POLG: variants seen among roughly 807,000 people sequenced by gnomAD.
POLG encodes DNA polymerase subunit gamma-1.
A neutral mutation model predicts 155.4 loss-of-function variants in POLG; 110 were observed. The observed-to-expected ratio is 0.71, with a 90% CI of 0.61 to 0.83. The LOEUF (loss-of-function observed/expected upper bound fraction) is 0.83, where lower values mean the gene tolerates loss of function less well. POLG is among the 40% of genes least tolerant of loss of function. The probability of loss-of-function intolerance (pLI) is 0.00; values close to 1 mark genes in which losing one functional copy is unlikely to be tolerated. For synonymous variants in POLG, 701 were observed against 631.5 expected (o/e 1.11, Z -1.65); for missense variants, 1,685 against 1,627.5 (o/e 1.04, Z -0.61).
rs753955677 is a variant in POLG, at chr15:89,316,845, T to C, written c.3644-18A>G. 1.3e-6 allele frequency: 2 copies of C among 1,580,124 alleles called. No homozygotes were observed. Among genetic ancestry groups the C allele is most frequent in the East Asian group, 4.5e-5 (2 of 44,714 alleles). On this transcript the variant is annotated intron_variant, in intron 22 of 22. Transcript: ENST00000268124. The stretch of plus-strand genomic sequence containing the variant: ...CGCTTCACCTGAAAGATAGTGCAAA[T>C]TGGTTAGGATGCCACCTCAAGAACT...
chr15:89,323,440 G>A lies in POLG; in HGVS notation c.2229C>T (p.Asp743=). The change falls in exon 13 of 23, where the codon GAC becomes GAT. Residue 743 remains aspartate (D), a synonymous_variant. Coordinates refer to ENST00000268124, the MANE Select transcript of POLG (RefSeq NM_002693.3). ...GCTTGAAAAACCAGCAGCCAGGGAT[G>A]TCCACGTCGTTGTAAGGTCCATTGC... ...HHGNGPYNDV[D]IPGCWFFKLP... 1 of 1,613,864 alleles carries A rather than the reference G, an allele frequency of 6.2e-7. No homozygotes were observed. The highest frequency in any genetic ancestry group is 8.5e-7 in the Non-Finnish European group (1 of 1,179,752).
chr15:89,330,297 G>GC, intron 2 of POLG, 21 bp from the exon 3 acceptor site: 1 of 1,594,184 alleles, frequency 6.3e-7, no homozygotes, highest in Non-Finnish European at 8.5e-7. Context: ...TGAGAGGCAG[G>GC]CAGGTTCACC....
At chr15:89,322,037 G>A (rs1240687902) in intron 14 of POLG, 22 bp from the exon 15 acceptor site, 8 of 1,612,740 alleles carry the variant, frequency 5.0e-6, no homozygotes, top group African/African-American at 2.7e-5. Flanking sequence ...GACAACGTGA[G>A]GCTCAGCACA....
intron 2 of POLG, 41 bp from the exon 3 acceptor site, chr15:89,330,317 T>G: frequency 6.7e-7 from 1 of 1,495,678 alleles, no homozygotes; most frequent in Non-Finnish European, 9.2e-7. Flanking sequence ...CATGGAGACA[T>G]TAAACTTCCA....
chr15:89,333,596 TTGCTGCTGC>T lies in POLG; in HGVS notation c.150_158del (p.Gln53_Gln55del), dbSNP rs41550117. ...GCACTTGCGGCTGCTGAGGCTGCTG[TTGCTGCTGC>T]TGCTGCTGCTGCTGCTGCTGCTGCC... On this transcript the variant is annotated inframe_deletion, in exon 2 of 23. Coordinates refer to ENST00000268124, the MANE Select transcript of POLG (RefSeq NM_002693.3). 2.4e-3 allele frequency: 3,831 copies of T among 1,598,086 alleles called. 6 individuals carry two copies. Among genetic ancestry groups the T allele is most frequent in the Middle Eastern group, 3.5e-3 (21 of 5,988 alleles).
Position 89,333,588 on chromosome 15 carries a change from G to T in POLG, c.167C>A (p.Pro56His), listed in dbSNP as rs1022612492. The stretch of plus-strand genomic sequence containing the variant: ...CGAGGATAGCACTTGCGGCTGCTGA[G>T]GCTGCTGTTGCTGCTGCTGCTGCTG... ...QQQQQQQQQQ[P>H]QQPQVLSSEG... The change falls in exon 2 of 23, where the codon CCT becomes CAT. Residue 56 changes from proline to histidine, a missense_variant. Physicochemically the swap from Pro to His is moderately conservative, Grantham distance 77 (BLOSUM62 -2). Around this residue, in one of 3 missense-constraint regions of POLG, gnomAD observed 1,210 missense variants for 1,167.1 expected, o/e 1.04. Coordinates refer to ENST00000268124, the MANE Select transcript of POLG (RefSeq NM_002693.3). The T allele has an allele frequency of 1.9e-6, 3 of 1,604,890 alleles. No individual in the cohort carries two copies. Among genetic ancestry groups the T allele is most frequent in the Non-Finnish European group, 2.5e-6 (3 of 1,176,630 alleles).
intron 6 of POLG, 86 bp from the exon 7 acceptor site, chr15:89,327,435 C>T (rs2055537732): frequency 1.6e-6 from 2 of 1,228,606 alleles, no homozygotes; most frequent in Non-Finnish European, 2.3e-6. Context: ...CAAGCCTCAA[C>T]CCAGCCACTG....
intron 16 of POLG, 143 bp from the exon 17 acceptor site, chr15:89,321,403 G>A: frequency 1.0e-6 from 1 of 970,900 alleles, no homozygotes; most frequent in Non-Finnish European, 1.6e-6. Context: ...CACAGTTCCA[G>A]AGATGGCCAC....
rs1354411940 is a variant in POLG at position 89,324,188 on chromosome 15, C to T, written c.1989G>A (p.Gln663=). The stretch of plus-strand genomic sequence containing the variant: ...CCTGGGGCATCAGCTGCTGCTTCCC[C>T]TGTTCGAGACAGTGCTTCCTGTACA... ...ESLYRKHCLE[Q]GKQQLMPQEA... is the part of the protein sequence containing the mutation. Residue 663 remains glutamine, a synonymous_variant, in exon 11 of 23, where the codon CAG becomes CAA. Coordinates refer to ENST00000268124, the MANE Select transcript of POLG (RefSeq NM_002693.3). The T allele has an allele frequency of 6.2e-7, 1 of 1,613,720 alleles. No homozygotes were observed. Among genetic ancestry groups the T allele is most frequent in the East Asian group, 2.2e-5 (1 of 44,878 alleles).
intron 13 of POLG, 76 bp downstream of exon 13, chr15:89,323,328 G>T: frequency 1.1e-6 from 1 of 894,294 alleles, no homozygotes; most frequent in Non-Finnish European, 1.9e-6. Flanking sequence ...TCTCAGGTGT[G>T]TCACTCTGAA....
At chr15:89,327,430 C>T in intron 6 of POLG, 81 bp from the exon 7 acceptor site, 7 of 1,298,974 alleles carry the variant, frequency 5.4e-6, no homozygotes, top group Non-Finnish European at 6.6e-6. Flanking sequence ...TTTAGCAAGC[C>T]TCAACCCAGC....
intron 2 of POLG, among the ~76,000 whole-genome samples, chr15:89,331,675 T>TA (rs1452491081): frequency 2.0e-5 from 3 of 152,152 alleles, no homozygotes; most frequent in Non-Finnish European, 1.5e-5. Context: ...CCTCCCATTG[T>TA]AAATTGTGGG....
intron 2 of POLG, among the ~76,000 whole-genome samples, chr15:89,330,744 A>G (rs1045631991): frequency 2.6e-5 from 3 of 116,192 alleles, no homozygotes; most frequent in African/African-American, 1.2e-4. Flanking sequence ...AAAAAAAAAA[A>G]ATGACAAATG....
intron 14 of POLG, among the ~76,000 whole-genome samples, 159 bp downstream of exon 14, chr15:89,322,582 AG>A (rs760695418): frequency 3.9e-5 from 6 of 152,244 alleles, no homozygotes; most frequent in Admixed American, 2.0e-4. Flanking sequence ...CTGAAGCTAG[AG>A]GGGAGACCTG....
rs769685778 is a variant in POLG, at chr15:89,320,828, G to C, written c.2919C>G (p.Leu973=). The C allele has an allele frequency of 6.2e-7, 1 of 1,613,926 alleles. No individual in the cohort carries two copies. Among genetic ancestry groups the C allele is most frequent in the Admixed American group, 1.7e-5 (1 of 60,030 alleles). The stretch of plus-strand genomic sequence containing the variant: ...CCTTCTCAGCTGCCTCCTGCTGTGT[G>C]AGCCGGTGGTTAAACTGCATTAGTA... ...ERLLMQFNHR[L]TQQEAAEKAQ... The change falls in exon 18 of 23, where the codon CTC becomes CTG. Residue 973 remains leucine, a synonymous_variant. Coordinates refer to ENST00000268124, the MANE Select transcript of POLG (RefSeq NM_002693.3).
At chr15:89,331,627 G>A (rs917322783) in intron 2 of POLG, among the ~76,000 whole-genome samples, 1 of 152,234 alleles carries the variant, frequency 6.6e-6, no homozygotes, top group Non-Finnish European at 1.5e-5. Context: ...TTGGGAAGAA[G>A]CTGCCCTGTG....
chr15:89,326,509 T>C (rs752895579), intron 9 of POLG, 103 bp downstream of exon 9: 2 of 1,277,804 alleles, frequency 1.6e-6, no homozygotes, highest in East Asian at 2.3e-5. Flanking sequence ...TCAATAAGTA[T>C]ACATGTGCAT....
intron 10 of POLG, 134 bp downstream of exon 10, chr15:89,325,316 T>G (rs561303966): frequency 4.8e-5 from 31 of 647,840 alleles, no homozygotes; most frequent in African/African-American, 6.6e-5. Context: ...GTGTGTGTGT[T>G]AATTTTTTTC....
At chr15:89,323,614 G>C in intron 12 of POLG, 103 bp from the exon 13 acceptor site, 1 of 850,762 alleles carries the variant, frequency 1.2e-6, no homozygotes, top group Non-Finnish European at 2.0e-6. Context: ...GTCGTCATCA[G>C]CTGGGAAATG....
Sources: allele counts gnomAD v4.1 joint callset (sites outside exome capture counted in the v4.1 genomes callset), GRCh38; gene constraint gnomAD v4.1.1; regional missense constraint gnomAD v4.1.1; transcripts MANE v1.5; gene names NCBI Gene and HGNC (gene_info 2026-07-23, HGNC 2026-07-21).